Variants in ACSM3 observed in about 807,000 individuals in gnomAD.
ACSM3 encodes the protein acyl-CoA synthetase medium chain family member 3.
A neutral mutation model predicts 74.1 loss-of-function variants in ACSM3; 61 were observed. The ratio of observed to expected loss-of-function variants is 0.82; its 90% CI spans 0.67 to 1.02. The LOEUF (loss-of-function observed/expected upper bound fraction) is 1.02. Among genes scored for constraint, ACSM3 ranks in the 50% least tolerant of loss-of-function variants. ACSM3 has a pLI of 0.00. For synonymous variants in ACSM3, 213 were observed against 241.5 expected, an observed-to-expected ratio of 0.88 and a Z score of 1.09; for missense variants, 660 against 697.0, an observed-to-expected ratio of 0.95 and a Z score of 0.60.
chr16:20,694,243 G>A (rs1184734967), intron 1 of ACSM3, among the ~76,000 whole-genome samples: 2 of 152,212 alleles, frequency 1.3e-5, no homozygotes, highest in African/African-American at 4.8e-5. Flanking sequence ...AGTGGAAACC[G>A]GACACAGCAG....
chr16:20,677,521 T>A (rs923563350), intron 1 of ACSM3, among the ~76,000 whole-genome samples: 3 of 152,202 alleles, frequency 2.0e-5, no homozygotes, highest in Non-Finnish European at 4.4e-5. Context: ...TTGCTCCTCA[T>A]CAAGTCAGTA....
intron 2 of ACSM3, chr16:20,755,507 A>G (rs2080021881): frequency 6.6e-6 from 1 of 152,212 alleles, no homozygotes; most frequent in African/African-American, 2.4e-5. Context: ...TAAAAAATTC[A>G]ATGAGAAATC....
intron 1 of ACSM3, among the ~76,000 whole-genome samples, chr16:20,706,083 A>AGT (rs59605164): frequency 0.55 from 82,790 of 149,592 alleles, 23,442 homozygotes; most frequent in Non-Finnish European, 0.65. Flanking sequence ...ATCGTGGAAC[A>AGT]GTGTGTGTGT....
intron 1 of ACSM3, among the ~76,000 whole-genome samples, chr16:20,714,671 A>T (rs1476864513): frequency 6.6e-6 from 1 of 152,192 alleles, no homozygotes; most frequent in Non-Finnish European, 1.5e-5. Flanking sequence ...TTAGGTGATC[A>T]GTGGGTGGGT....
chr16:20,691,097 G>A (rs2079645314), intron 1 of ACSM3: 13 of 1,613,570 alleles, frequency 8.1e-6, no homozygotes, highest in Non-Finnish European at 1.1e-5. Context: ...TTCTGATAAA[G>A]ACCGGCAGCG....
chr16:20,794,068 G>C (rs1468181606), intron 12 of ACSM3, among the ~76,000 whole-genome samples: 1 of 152,156 alleles, frequency 6.6e-6, no homozygotes, highest in African/African-American at 2.4e-5. Context: ...TTTCCTAGTA[G>C]AAGATGTGAG....
intron 1 of ACSM3, among the ~76,000 whole-genome samples, chr16:20,677,887 T>C (rs1378854289): frequency 6.6e-6 from 1 of 152,094 alleles, no homozygotes; most frequent in African/African-American, 2.4e-5. Context: ...GGCTTTTAAC[T>C]GCTGAAAGTA....
intron 1 of ACSM3, among the ~76,000 whole-genome samples, chr16:20,768,346 A>C (rs767630459): frequency 1.8e-4 from 27 of 152,232 alleles, no homozygotes; most frequent in African/African-American, 2.4e-5. Flanking sequence ...ATCATGCCAT[A>C]GACTGGTGCT....
intron 4 of ACSM3, among the ~76,000 whole-genome samples, 188 bp downstream of exon 4, chr16:20,777,768 T>C (rs1181271047): frequency 2.0e-5 from 3 of 152,216 alleles, no homozygotes; most frequent in Non-Finnish European, 2.9e-5. Flanking sequence ...TTTTTGTAGG[T>C]TGGGATCCCC....
At chr16:20,693,228 A>C (rs72778634) in intron 1 of ACSM3, among the ~76,000 whole-genome samples, 1 of 152,094 alleles carries the variant, frequency 6.6e-6, no homozygotes, top group Non-Finnish European at 1.5e-5. Context: ...TGCACTTTCC[A>C]ATGGACTGGG....
intron 1 of ACSM3, among the ~76,000 whole-genome samples, chr16:20,709,676 T>C (rs1264495182): frequency 6.6e-6 from 1 of 152,240 alleles, no homozygotes; most frequent in Non-Finnish European, 1.5e-5. Context: ...CCCACTTCCT[T>C]ATCCTTATAC....
intron 1 of ACSM3, chr16:20,736,638 C>T (rs2079872051): frequency 2.2e-6 from 1 of 452,814 alleles, no homozygotes; most frequent in South Asian, 3.9e-5. Flanking sequence ...CCAACATCCC[C>T]CTCCTATCCT....
chr16:20,718,017 GAAGAAGA>G (rs2079771369), intron 1 of ACSM3, among the ~76,000 whole-genome samples: 1 of 146,596 alleles, frequency 6.8e-6, no homozygotes, highest in East Asian at 2.0e-4. Flanking sequence ...AGAAGAAGAA[GAAGAAGA>G]AGAAAAGAAA....
Position 20,741,485 on chromosome 16 carries a change from G to GC in ACSM3, c.-189-8422dup. On this transcript the variant is annotated intron_variant, in intron 1 of 3. Coordinates refer to the ACSM3 transcript ENST00000561584. ...TCCCGCAAGGCCTGGCAGCCGGCCC[G>GC]CCCGCCCACCCCGGGACCGGTACCT... 7 of 1,227,954 alleles carry GC rather than the reference G, an allele frequency of 5.7e-6. No homozygotes were observed. In the South Asian group the frequency reaches 8.6e-5, roughly 15 times the overall value. 76.1% of individuals were successfully genotyped at this position (1,227,954 alleles called of 1,614,324 possible).
intron 1 of ACSM3, among the ~76,000 whole-genome samples, chr16:20,719,972 A>G (rs2079779725): frequency 6.6e-6 from 1 of 152,210 alleles, no homozygotes; most frequent in African/African-American, 2.4e-5. Context: ...ATTATTTTCA[A>G]CCATGACAAA....
At chr16:20,712,166 T>C (rs925326508) in intron 1 of ACSM3, among the ~76,000 whole-genome samples, 6 of 152,210 alleles carry the variant, frequency 3.9e-5, no homozygotes, top group Non-Finnish European at 7.3e-5. Flanking sequence ...GCCCTGTTTT[T>C]GTAAATAAAG....
At chr16:20,753,403 G>A (rs1172636341) in intron 2 of ACSM3, among the ~76,000 whole-genome samples, 3 of 142,568 alleles carry the variant, frequency 2.1e-5, no homozygotes, top group Non-Finnish European at 4.5e-5. Context: ...GGCAGAGGTT[G>A]CAATGAGCTG....
At chr16:20,708,478 A>G (rs1427483973) in intron 1 of ACSM3, among the ~76,000 whole-genome samples, 3 of 152,232 alleles carry the variant, frequency 2.0e-5, no homozygotes, top group African/African-American at 7.2e-5. Flanking sequence ...TAGTGTTTCT[A>G]TACACTAACA....
At chr16:20,722,679 G>C (rs570591858) in intron 1 of ACSM3, among the ~76,000 whole-genome samples, 1 of 152,318 alleles carries the variant, frequency 6.6e-6, no homozygotes, top group African/African-American at 2.4e-5. Flanking sequence ...ACGTGGGCAA[G>C]AGGTTACAAG....
Sources: allele counts gnomAD v4.1 joint callset (sites outside exome capture counted in the v4.1 genomes callset), GRCh38; gene constraint gnomAD v4.1.1; transcripts MANE v1.5; gene names NCBI Gene and HGNC (gene_info 2026-07-23, HGNC 2026-07-21).